The following ANO1 variants were observed in gnomAD, a reference collection of about 807,000 sequenced individuals.
ANO1 encodes anoctamin 1.
ANO1 carries 59 observed loss-of-function variants against 124.0 expected under a neutral mutation model. The observed-to-expected ratio is 0.48, with a 90% CI of 0.39 to 0.59. The LOEUF (loss-of-function observed/expected upper bound fraction) is 0.59. Among genes scored for constraint, ANO1 ranks in the 20% least tolerant of loss-of-function variants. The pLI is 0.00. For synonymous variants in ANO1, 529 were observed against 532.0 expected (o/e 0.99, Z 0.08); for missense variants, 1,059 against 1,328.0 (o/e 0.80, Z 3.15).
At chr11:70,168,892 C>G (rs751268098) in intron 21 of ANO1, among the ~76,000 whole-genome samples, 1 of 152,198 alleles carries the variant, frequency 6.6e-6, no homozygotes, top group Non-Finnish European at 1.5e-5. Flanking sequence ...CAAGGAGCAC[C>G]TTGCCATTGA....
intron 1 of ANO1, among the ~76,000 whole-genome samples, chr11:70,031,234 T>A (rs1305279088): frequency 6.6e-6 from 1 of 152,218 alleles, no homozygotes; most frequent in East Asian, 1.9e-4. Flanking sequence ...TGTGAGCCAC[T>A]GATCCAGGCC....
At position 70,182,505 on chromosome 11, in the gene ANO1, T is replaced by G; in HGVS notation, c.2407T>G (p.Phe803Val). ...CACTGCCATGTCCCCTGCACAGGCCTTCGTGATCTCCTTCACGTCTGACTT... is the reference window on the plus strand; with the variant it reads ...CACTGCCATGTCCCCTGCACAGGCCGTCGTGATCTCCTTCACGTCTGACTT... The part of the protein sequence containing the change: ...IGKLAVIINA[F>V]VISFTSDFIP... Residue 803 changes from phenylalanine (F) to valine (V), a missense_variant, in exon 24 of 26, where the codon TTC becomes GTC. Physicochemically the swap from Phe to Val is conservative, Grantham distance 50 (BLOSUM62 -1). Around this residue, in one of 2 missense-constraint regions of ANO1, gnomAD observed 809 missense variants for 1,094.9 expected, o/e 0.74. Transcript: ENST00000355303. 1 of 1,576,610 alleles carries G rather than the reference T, an allele frequency of 6.3e-7. No homozygotes were observed. Among genetic ancestry groups the G allele is most frequent in the South Asian group, 1.2e-5 (1 of 84,726 alleles).
upstream of ANO1, among the ~76,000 whole-genome samples, chr11:69,985,225 C>G: frequency 6.6e-6 from 1 of 152,168 alleles, no homozygotes; most frequent in East Asian, 1.9e-4. Flanking sequence ...GTCCTCTTAG[C>G]CGCAGTTAAC....
At chr11:70,126,325 C>T in intron 10 of ANO1, 130 bp downstream of exon 10, 2 of 1,205,188 alleles carry the variant, frequency 1.7e-6, no homozygotes, top group Non-Finnish European at 2.2e-6. Context: ...TCACGCCAAG[C>T]CACGAGCCGT....
chr11:70,013,302 C>T (rs1462579911), intron 1 of ANO1, among the ~76,000 whole-genome samples: 8 of 152,270 alleles, frequency 5.3e-5, no homozygotes, highest in Admixed American at 2.6e-4. Flanking sequence ...TTCAAGATCA[C>T]GTTGCAAATT....
At chr11:69,999,173 T>C (rs1157530229) in intron 1 of ANO1, among the ~76,000 whole-genome samples, 1 of 152,140 alleles carries the variant, frequency 6.6e-6, no homozygotes, top group Admixed American at 6.5e-5. Flanking sequence ...GCTCAGCTTC[T>C]GGGTAGGACT....
At chr11:70,084,611 G>A (rs1360504579) in intron 1 of ANO1, among the ~76,000 whole-genome samples, 1 of 152,172 alleles carries the variant, frequency 6.6e-6, no homozygotes, top group Non-Finnish European at 1.5e-5. Context: ...GTAGACCCAG[G>A]TCTGGCTGAC....
chr11:70,094,742 T>A (rs2044773337), intron 2 of ANO1, among the ~76,000 whole-genome samples: 1 of 152,222 alleles, frequency 6.6e-6, no homozygotes, highest in African/African-American at 2.4e-5. Flanking sequence ...CTCTAGTCTA[T>A]TCATGAAGCT....
intron 11 of ANO1, among the ~76,000 whole-genome samples, chr11:70,145,941 A>C (rs2047356455): frequency 8.8e-6 from 1 of 113,244 alleles, no homozygotes; most frequent in Non-Finnish European, 1.9e-5. Context: ...CTTCTCAAAA[A>C]ACAAAAAAAA....
At chr11:70,187,705 C>T in intron 25 of ANO1, 33 bp from the exon 26 acceptor site, 1 of 1,586,272 alleles carries the variant, frequency 6.3e-7, no homozygotes, top group African/African-American at 1.3e-5. Context: ...AGGCGCCATC[C>T]TCCCTTCTGC....
intron 1 of ANO1, among the ~76,000 whole-genome samples, chr11:70,029,582 C>T (rs782126208): frequency 6.6e-6 from 1 of 152,238 alleles, no homozygotes; most frequent in Non-Finnish European, 1.5e-5. Flanking sequence ...ATGAAGGTCA[C>T]GGCCACGGCA....
chr11:70,049,761 C>T (rs1303123704), intron 1 of ANO1, among the ~76,000 whole-genome samples: 2 of 152,180 alleles, frequency 1.3e-5, no homozygotes, highest in Admixed American at 1.3e-4. Context: ...CACTCTGTTG[C>T]GCAGGCTGGA....
intron 11 of ANO1, among the ~76,000 whole-genome samples, chr11:70,134,987 A>C (rs1369966344): frequency 6.6e-6 from 1 of 152,186 alleles, no homozygotes; most frequent in African/African-American, 2.4e-5. Flanking sequence ...CAGTGCCATC[A>C]GCTGCTGTGT....
At chr11:69,990,229 T>G (rs1856127693) in intron 1 of ANO1, among the ~76,000 whole-genome samples, 1 of 152,226 alleles carries the variant, frequency 6.6e-6, no homozygotes, top group Non-Finnish European at 1.5e-5. Context: ...TTCTAGATAC[T>G]TCATATAAAT....
At chr11:69,981,960 T>C (rs1855963393), upstream of ANO1, among the ~76,000 whole-genome samples, 1 of 152,196 alleles carries the variant, frequency 6.6e-6, no homozygotes, top group Non-Finnish European at 1.5e-5. Flanking sequence ...ATTCCATTTA[T>C]ATGAAATGTC....
chr11:70,110,891 G>T (rs748317266), intron 6 of ANO1, among the ~76,000 whole-genome samples: 3 of 152,252 alleles, frequency 2.0e-5, no homozygotes, highest in Non-Finnish European at 4.4e-5. Context: ...GTCTCCTGGG[G>T]CTGGGCGCCC....
chr11:70,173,367 C>T (rs933232044), intron 22 of ANO1, among the ~76,000 whole-genome samples: 1 of 152,122 alleles, frequency 6.6e-6, no homozygotes, highest in Admixed American at 6.5e-5. Flanking sequence ...CTCTGGGTGA[C>T]CCAGGTAATG....
intron 1 of ANO1, among the ~76,000 whole-genome samples, chr11:70,044,140 C>T (rs989899001): frequency 3.3e-5 from 5 of 151,770 alleles, no homozygotes; most frequent in African/African-American, 1.2e-4. Context: ...TATAAGTTTA[C>T]AACTATGTTG....
chr11:70,104,639 C>T (rs2045422078), intron 4 of ANO1, among the ~76,000 whole-genome samples: 1 of 152,236 alleles, frequency 6.6e-6, no homozygotes, highest in African/African-American at 2.4e-5. Context: ...CTGGAAACTT[C>T]CCTCCTCCCG....
Sources: allele counts gnomAD v4.1 joint callset (sites outside exome capture counted in the v4.1 genomes callset), GRCh38; gene constraint gnomAD v4.1.1; regional missense constraint gnomAD v4.1.1; transcripts MANE v1.5; gene names NCBI Gene and HGNC (gene_info 2026-07-23, HGNC 2026-07-21).